Variants in RIPK2 observed in about 807,000 individuals in gnomAD.
The protein encoded by RIPK2 is receptor interacting serine/threonine kinase 2.
RIPK2 carries 38 observed loss-of-function variants against 60.9 expected under a neutral mutation model. That is an observed-to-expected ratio of 0.62 (90% CI 0.48 to 0.82). The LOEUF is 0.82. Ranked by LOEUF, RIPK2 falls within the 40% of genes least tolerant of loss-of-function variation. RIPK2 has a pLI of 0.00. For missense variants in RIPK2, 518 were observed against 647.0 expected (o/e 0.80, Z 2.16); for synonymous variants, 225 against 223.4 (o/e 1.01, Z -0.06).
At chr8:89,785,069 C>T (rs370578096) in intron 8 of RIPK2, among the ~76,000 whole-genome samples, 1 of 152,194 alleles carries the variant, frequency 6.6e-6, no homozygotes, top group African/African-American at 2.4e-5. Context: ...TAAGCCCCAC[C>T]TCCCAACACC....
At chr8:89,765,931 G>T (rs40452) in intron 3 of RIPK2, among the ~76,000 whole-genome samples, 1 of 151,420 alleles carries the variant, frequency 6.6e-6, no homozygotes, top group African/African-American at 2.4e-5. Flanking sequence ...CATAGTAACC[G>T]CAACAATCAA....
intron 6 of RIPK2, among the ~76,000 whole-genome samples, chr8:89,776,054 C>T (rs1809394215): frequency 6.6e-6 from 1 of 152,158 alleles, no homozygotes; most frequent in African/African-American, 2.4e-5. Flanking sequence ...ACCAGCCCAC[C>T]ACAGGCCTCA....
At chr8:89,789,194 C>T (rs1384897588) in intron 9 of RIPK2, 127 bp from the exon 10 acceptor site, 3 of 722,870 alleles carry the variant, frequency 4.2e-6, no homozygotes, top group East Asian at 2.7e-5. Flanking sequence ...GTTTCTGAAC[C>T]AGCCTTAATA....
At chr8:89,780,720 A>AT (rs906013505) in intron 7 of RIPK2, 4 of 151,914 alleles carry the variant, frequency 2.6e-5, no homozygotes, top group Non-Finnish European at 5.9e-5. Flanking sequence ...TTTAATGTAC[A>AT]TTTTTTTCTG....
rs1391213317 is a variant in RIPK2 at position 89,758,598 on chromosome 8, G to T, written c.173+365G>T. ...ATTGATGTGTGTTTATATATAGTGGGTGTGGGTTTTGTTTGCTTTGTTTTT... is the reference window on the plus strand; with the variant it reads ...ATTGATGTGTGTTTATATATAGTGGTTGTGGGTTTTGTTTGCTTTGTTTTT... On this transcript the variant is annotated intron_variant, in intron 1 of 10. Transcript: ENST00000220751. 3.3e-5 allele frequency among the ~76,000 whole-genome samples: 5 copies of T among 152,236 alleles called. No individual in the cohort carries two copies. The South Asian group carries it at 6.2e-4, about 19-fold the overall frequency.
In RIPK2 at chr8:89,758,232, AGG is replaced by A; in HGVS notation, c.173_173+1del. ...GCACATCCACACTCCGCTGCTCGAC[AGG>A]TAGGCAGTCACTGGGGTTCCCTGGA... On this transcript the variant is annotated splice_donor_variant and coding_sequence_variant, in exon 1 of 11. Coordinates refer to ENST00000220751, the MANE Select transcript of RIPK2 (RefSeq NM_003821.6). LOFTEE classifies it high-confidence loss of function. The A allele has an allele frequency of 6.2e-7, 1 of 1,601,872 alleles. No homozygotes were observed. Among genetic ancestry groups the A allele is most frequent in the Non-Finnish European group, 8.5e-7 (1 of 1,175,300 alleles).
chr8:89,769,800 G>A lies in RIPK2; in HGVS notation c.512G>A (p.Arg171His), dbSNP rs766308833. The change falls in exon 4 of 11, where the codon CGC becomes CAC. Residue 171 changes from arginine to histidine, a missense_variant. Physicochemically the swap from Arg to His is conservative, Grantham distance 29. This residue lies in a region of RIPK2 where 448 missense variants were observed against 534.7 expected (regional missense o/e 0.84). Coordinates refer to ENST00000220751, the MANE Select transcript of RIPK2 (RefSeq NM_003821.6). ...GCAGATTTTGGTTTATCAAAGTGGC[G>A]CATGATGTCCCTCTCACAGTCACGA... ...KIADFGLSKW[R>H]MMSLSQSRSS... The A allele has an allele frequency of 1.2e-5, 20 of 1,603,154 alleles. No individual in the cohort carries two copies. In the Admixed American group the frequency reaches 2.4e-4, roughly 19 times the overall value.
At chr8:89,784,180 A>G (rs1369130309) in intron 8 of RIPK2, 41 bp downstream of exon 8, 1 of 1,254,878 alleles carries the variant, frequency 8.0e-7, no homozygotes, top group South Asian at 1.4e-5. Context: ...TATTAAACTC[A>G]AAATGTGAGA....
chr8:89,759,416 G>A, intron 1 of RIPK2: 2 of 456,038 alleles, frequency 4.4e-6, no homozygotes, highest in South Asian at 1.5e-5. Context: ...GTGAAAATAC[G>A]TCATCCCCGA....
At chr8:89,783,081 A>C (rs1045801475) in intron 7 of RIPK2, among the ~76,000 whole-genome samples, 4 of 152,210 alleles carry the variant, frequency 2.6e-5, no homozygotes, top group African/African-American at 9.6e-5. Context: ...GATGAATAAG[A>C]GTAATTTCCT....
intron 6 of RIPK2, among the ~76,000 whole-genome samples, chr8:89,779,463 C>T (rs546182507): frequency 7.2e-5 from 11 of 151,772 alleles, no homozygotes; most frequent in Admixed American, 2.0e-4. Context: ...TGCAGGTGCC[C>T]GCCACCACGC....
At position 89,789,363 on chromosome 8, in the gene RIPK2, C is replaced by G; in HGVS notation, c.1166C>G (p.Pro389Arg). 1 of 1,613,996 alleles carries G rather than the reference C, an allele frequency of 6.2e-7. No homozygotes were observed. Among genetic ancestry groups the G allele is most frequent in the Non-Finnish European group, 8.5e-7 (1 of 1,179,914 alleles). The change falls in exon 10 of 11, where the codon CCT (proline) becomes CGT (arginine). Residue 389 changes from proline (P) to arginine (R), a missense_variant. By Grantham distance (103) the Pro-to-Arg change is moderately radical. This residue lies in a region of RIPK2 where 448 missense variants were observed against 534.7 expected (regional missense o/e 0.84). Transcript: ENST00000220751. Reference sequence around the variant, plus strand: ...TATTTTATGAAGCTGCATCACTGTCCTGGAAATCACAGTTGGGATAGCACC... The same window carrying G: ...TATTTTATGAAGCTGCATCACTGTCGTGGAAATCACAGTTGGGATAGCACC... ...DCYFMKLHHC[P>R]GNHSWDSTIS...
chr8:89,772,886 GA>G, intron 6 of RIPK2, 58 bp downstream of exon 6: 2 of 1,169,134 alleles, frequency 1.7e-6, no homozygotes, highest in Non-Finnish European at 2.3e-6. Flanking sequence ...AATATACTGT[GA>G]ATAAAATATT....
At chr8:89,758,707 G>A (rs1809093391) in intron 1 of RIPK2, among the ~76,000 whole-genome samples, 2 of 152,140 alleles carry the variant, frequency 1.3e-5, no homozygotes, top group Non-Finnish European at 2.9e-5. Flanking sequence ...CACTTGAAAT[G>A]TGCCCGTCCG....
chr8:89,763,308 ATATTT>A (rs1392386721), intron 2 of RIPK2, among the ~76,000 whole-genome samples: 5 of 152,206 alleles, frequency 3.3e-5, no homozygotes, highest in South Asian at 2.1e-4. Flanking sequence ...CTGTTAAGTG[ATATTT>A]TATTTTATAT....
chr8:89,761,806 C>CTTAGCTTTCA (rs1809150628), intron 1 of RIPK2, among the ~76,000 whole-genome samples: 1 of 152,036 alleles, frequency 6.6e-6, no homozygotes, highest in Non-Finnish European at 1.5e-5. Context: ...AGTTTCACCA[C>CTTAGCTTTCA]CCTAACCAGG....
At chr8:89,777,763 T>G (rs1480013989) in intron 6 of RIPK2, among the ~76,000 whole-genome samples, 1 of 152,118 alleles carries the variant, frequency 6.6e-6, no homozygotes, top group Non-Finnish European at 1.5e-5. Flanking sequence ...CTATTTTCAG[T>G]GGGAAGGTAC....
At chr8:89,782,016 T>C (rs959152532) in intron 7 of RIPK2, among the ~76,000 whole-genome samples, 55 of 152,032 alleles carry the variant, frequency 3.6e-4, no homozygotes, top group Non-Finnish European at 1.2e-4. Flanking sequence ...TATAGCTGGG[T>C]GTGGTGGCAC....
intron 3 of RIPK2, among the ~76,000 whole-genome samples, chr8:89,766,075 T>C (rs564681289): frequency 2.6e-5 from 4 of 151,992 alleles, no homozygotes; most frequent in African/African-American, 9.6e-5. Context: ...ATTTTGAAAA[T>C]GCTATATAAG....
Sources: gnomAD v4.1 joint callset for allele counts (sites outside exome capture counted in the v4.1 genomes callset) on GRCh38, gnomAD v4.1.1 for gene constraint, gnomAD v4.1.1 regional missense constraint, MANE v1.5 for transcripts, NCBI Gene and HGNC (gene_info 2026-07-23, HGNC 2026-07-21) for gene names.